Variants in SYNE3 observed in about 807,000 individuals in gnomAD.
The protein encoded by SYNE3 is nesprin-3.
SYNE3 carries 100 observed loss-of-function variants against 111.2 expected under a neutral mutation model. The observed-to-expected ratio is 0.90, with a 90% CI of 0.77 to 1.06. The LOEUF is 1.06. Ranked by LOEUF, SYNE3 falls within the 50% of genes least tolerant of loss-of-function variation. SYNE3 has a pLI of 0.00. For synonymous variants in SYNE3, 547 were observed against 533.9 expected (o/e 1.02, Z -0.34); for missense variants, 1,160 against 1,240.3 (o/e 0.94, Z 0.97).
In SYNE3 at chr14:95,500,246, T is replaced by C. The variant is rs960487696; in HGVS notation, c.-15+16350A>G. ...CACCTCCTTGGAGTCCAAGGTCGACTGTTAACAGGCTGTACAGGTTATAAT... is the reference window on the plus strand; with the variant it reads ...CACCTCCTTGGAGTCCAAGGTCGACCGTTAACAGGCTGTACAGGTTATAAT... On this transcript the variant is annotated intron_variant, in intron 1 of 17. Coordinates refer to ENST00000682763, the MANE Select transcript of SYNE3 (RefSeq NM_152592.6). The surrounding 1 kb of genome is among the most constrained non-coding windows in gnomAD (Gnocchi z 4.7). Among the ~76,000 whole-genome samples the C allele has an allele frequency of 2.0e-5, 3 of 152,212 alleles. No homozygotes were observed. Among genetic ancestry groups the C allele is most frequent in the Admixed American group, 2.0e-4 (3 of 15,278 alleles).
At chr14:95,509,885 C>A (rs189961926) in intron 1 of SYNE3, among the ~76,000 whole-genome samples, 1 of 152,192 alleles carries the variant, frequency 6.6e-6, no homozygotes, top group Non-Finnish European at 1.5e-5. Context: ...GAAACAAACT[C>A]TTAGGGAAGG....
intron 3 of SYNE3, among the ~76,000 whole-genome samples, chr14:95,466,750 C>T (rs1888207491): frequency 6.6e-6 from 1 of 152,232 alleles, no homozygotes; most frequent in Non-Finnish European, 1.5e-5. Context: ...TCTTTACTAA[C>T]AGCAGGCATG....
At chr14:95,459,748 A>C (rs1887675203) in intron 4 of SYNE3, among the ~76,000 whole-genome samples, 2 of 152,184 alleles carry the variant, frequency 1.3e-5, no homozygotes, top group Admixed American at 6.5e-5. Context: ...AAACATCCCG[A>C]TTTTAGAAAT....
intron 1 of SYNE3, among the ~76,000 whole-genome samples, chr14:95,488,516 A>G (rs953315646): frequency 4.6e-5 from 7 of 152,100 alleles, no homozygotes; most frequent in Admixed American, 2.0e-4. Context: ...GCTGGATCAC[A>G]TGGTAGGTGT....
chr14:95,493,374 A>T (rs1255046869), intron 1 of SYNE3, among the ~76,000 whole-genome samples: 1 of 152,222 alleles, frequency 6.6e-6, no homozygotes, highest in Non-Finnish European at 1.5e-5. Context: ...TGAGGCTCAG[A>T]GAGGTGAGAT....
chr14:95,454,002 C>A (rs1449728760), intron 6 of SYNE3, among the ~76,000 whole-genome samples: 1 of 152,228 alleles, frequency 6.6e-6, no homozygotes, highest in Non-Finnish European at 1.5e-5. Flanking sequence ...GGAGGGTGGA[C>A]CCTGCCAGGT....
rs556095088 is a variant in SYNE3, at chr14:95,461,777, C to A, written c.627+4154G>T. ...AACCATCGCTGGAGTCAGACGACTG[C>A]CCCAAGAGAGACCTTTTATGCAGGG... On this transcript the variant is annotated intron_variant, in intron 4 of 17. Transcript: ENST00000682763. 5.9e-5 allele frequency among the ~76,000 whole-genome samples: 9 copies of A among 152,382 alleles called. No homozygotes were observed. The East Asian group carries it at 1.5e-3, about 26-fold the overall frequency.
At position 95,503,899 on chromosome 14, in the gene SYNE3, G is replaced by A. The variant is rs112186523; in HGVS notation, c.-15+12697C>T. Among the ~76,000 whole-genome samples, 89 of 152,222 alleles carry A rather than the reference G, an allele frequency of 5.8e-4. 2 individuals are homozygous for A. Among genetic ancestry groups the A allele is most frequent in the African/African-American group, 2.0e-3 (84 of 41,528 alleles). On this transcript the variant is annotated intron_variant, in intron 1 of 17. Transcript: ENST00000682763. Reference sequence around the variant, plus strand: ...CCTTCCAAAGTGCTGGGTTCCAGGTGTGAGCCACTGTGCCCGGCCAGACCT... The same window carrying A: ...CCTTCCAAAGTGCTGGGTTCCAGGTATGAGCCACTGTGCCCGGCCAGACCT...
At chr14:95,449,891 G>GGC in intron 8 of SYNE3, 40 bp downstream of exon 8, 1 of 1,537,870 alleles carries the variant, frequency 6.5e-7, no homozygotes. Context: ...CCCGCCAGTG[G>GGC]CCCACCCCAG....
chr14:95,495,235 C>A (rs1239140130), intron 1 of SYNE3, among the ~76,000 whole-genome samples: 1 of 152,268 alleles, frequency 6.6e-6, no homozygotes, highest in Non-Finnish European at 1.5e-5. Flanking sequence ...AGCCTCCATT[C>A]CTTCCAAGAG....
At position 95,433,328 on chromosome 14, in the gene SYNE3, C is replaced by T. The variant is rs1265340363; in HGVS notation, c.2620G>A (p.Glu874Lys). 5 of 1,614,084 alleles carry T rather than the reference C, an allele frequency of 3.1e-6. No individual in the cohort carries two copies. Among genetic ancestry groups the T allele is most frequent in the Non-Finnish European group, 4.2e-6 (5 of 1,180,052 alleles). The stretch of plus-strand genomic sequence containing the variant: ...CACTGGTAGCGCAGATCTTCCAGCT[C>T]ATCCGAGGTCCCCCTTGCTGGCCCG... ...RLGPARGTSD[E>K]LEDLRYQWML... Residue 874 changes from glutamate to lysine, a missense_variant, in exon 16 of 18, where the codon GAG becomes AAG. By Grantham distance (56) the Glu-to-Lys change is moderately conservative. Coordinates refer to ENST00000682763, the MANE Select transcript of SYNE3 (RefSeq NM_152592.6).
Position 95,457,180 on chromosome 14 carries a change from C to G in SYNE3, c.786G>C (p.Leu262=), listed in dbSNP as rs976156814. ...TTGAGACACAGCTGGGGATTACCTGCAGTGTGGAGAGGCGCTGCGTGATGG... is the reference window on the plus strand; with the variant it reads ...TTGAGACACAGCTGGGGATTACCTGGAGTGTGGAGAGGCGCTGCGTGATGG... The part of the protein sequence containing the change: ...KLPITQRLST[L]QDIAKDFPRG... The change falls in exon 5 of 18, where the codon CTG becomes CTC. Residue 262 remains leucine (L), a synonymous_variant. Transcript: ENST00000682763. The G allele has an allele frequency of 6.2e-7, 1 of 1,613,198 alleles. No individual in the cohort carries two copies. The highest frequency in any genetic ancestry group is 1.3e-5 in the African/African-American group (1 of 74,854).
chr14:95,445,963 C>T lies in SYNE3; in HGVS notation c.1578G>A (p.Met526Ile), dbSNP rs1356544359. ...TALLEQVAGS[M>I]RDRDLLHNSL... ...TGTTATGCAGCAGGTCTCTGTCCCT[C>T]ATGGAACCTGCCACCTGCTCCAGGA... is the stretch of plus-strand genomic sequence containing the variant. Residue 526 changes from methionine (M) to isoleucine (I), a missense_variant, in exon 9 of 18, where the codon ATG becomes ATA. By Grantham distance (10) the Met-to-Ile change is conservative. Coordinates refer to ENST00000682763, the MANE Select transcript of SYNE3 (RefSeq NM_152592.6). The T allele has an allele frequency of 1.2e-6, 2 of 1,614,152 alleles. No individual in the cohort carries two copies. Among genetic ancestry groups the T allele is most frequent in the Non-Finnish European group, 1.7e-6 (2 of 1,180,038 alleles).
rs1328915336 is a variant in SYNE3 at position 95,446,072 on chromosome 14, G to A, written c.1469C>T (p.Ser490Phe). ...CATCGTCAGCAGCTCTTTCAGGCGG[G>A]AGCTTTCCATCAGGGCTGCCTGTGG... ...PQIEAALMES[S>F]RLKELLTMLQ... is the part of the protein sequence containing the mutation. Residue 490 changes from serine (S) to phenylalanine (F), a missense_variant, in exon 9 of 18, where the codon TCC (serine) becomes TTC (phenylalanine). By Grantham distance (155) the Ser-to-Phe change is radical (BLOSUM62 -2). Transcript: ENST00000682763. 4 of 1,614,080 alleles carry A rather than the reference G, an allele frequency of 2.5e-6. No homozygotes were observed. The Admixed American group carries it at 6.7e-5, about 27-fold the overall frequency.
intron 17 of SYNE3, among the ~76,000 whole-genome samples, chr14:95,431,034 A>G (rs1339248804): frequency 6.6e-6 from 1 of 152,266 alleles, no homozygotes; most frequent in Non-Finnish European, 1.5e-5. Context: ...ACAGATTTCT[A>G]GGAAACACAG....
At chr14:95,455,244 C>T (rs1887340725) in intron 6 of SYNE3, 133 bp downstream of exon 6, 1 of 694,466 alleles carries the variant, frequency 1.4e-6, no homozygotes, top group African/African-American at 1.8e-5. Flanking sequence ...AGCTGAGATA[C>T]CAAGAATCCC....
At chr14:95,513,773 T>TATATATA (rs1890810671) in intron 1 of SYNE3, among the ~76,000 whole-genome samples, 3 of 68,604 alleles carry the variant, frequency 4.4e-5, no homozygotes, top group South Asian at 4.9e-4. Flanking sequence ...ATATATATAT[T>TATATATA]CAGAATCCAT....
In SYNE3 at chr14:95,417,697, C is replaced by G. The variant is rs750238293; in HGVS notation, c.*129G>C. ...GTGTCTTCTGGGAACGCTGACACAG[C>G]ACTGATATGGATGCAGCTCTGCAGT... On this transcript the variant is annotated 3_prime_UTR_variant, in exon 18 of 18. Transcript: ENST00000682763. 7 of 959,434 alleles carry G rather than the reference C, an allele frequency of 7.3e-6. No homozygotes were observed. Among genetic ancestry groups the G allele is most frequent in the Non-Finnish European group, 1.2e-5 (7 of 595,932 alleles). 59.4% of individuals were successfully genotyped at this position (959,434 alleles called of 1,614,324 possible). A position where few individuals can be genotyped will look rare whatever the true frequency, so the allele number is the denominator to read the frequency against.
intron 4 of SYNE3, among the ~76,000 whole-genome samples, chr14:95,463,323 T>G (rs180825544): frequency 6.6e-6 from 1 of 152,292 alleles, no homozygotes; most frequent in Admixed American, 6.5e-5. Flanking sequence ...CTCCCTGGAA[T>G]GAAAATGAGG....
Sources: gnomAD v4.1 joint callset for allele counts (sites outside exome capture counted in the v4.1 genomes callset) on GRCh38, gnomAD v4.1.1 for gene constraint, Gnocchi (gnomAD v3.1) non-coding constraint, MANE v1.5 for transcripts, NCBI Gene and HGNC (gene_info 2026-07-23, HGNC 2026-07-21) for gene names.